The following CAMK1D variants were observed in gnomAD, a reference collection of about 807,000 sequenced individuals.
CAMK1D encodes calcium/calmodulin-dependent protein kinase type 1D.
In CAMK1D, 9 loss-of-function variants were observed where a neutral mutation model predicts 47.7. The observed-to-expected ratio is 0.19, with a 90% confidence interval of 0.11 to 0.33. The LOEUF (loss-of-function observed/expected upper bound fraction) is 0.33. CAMK1D is among the 10% of genes least tolerant of loss of function. The pLI, the probability that CAMK1D is intolerant of heterozygous loss-of-function variation, is 1.00. For missense variants in CAMK1D, 291 were observed against 488.7 expected, an observed-to-expected ratio of 0.60 and a Z score of 3.81; for synonymous variants, 184 against 184.9, an observed-to-expected ratio of 0.99 and a Z score of 0.04.
chr10:12,805,042 C>T (rs890843212), intron 6 of CAMK1D, among the ~76,000 whole-genome samples: 11 of 151,388 alleles, frequency 7.3e-5, no homozygotes, highest in African/African-American at 2.2e-4. Context: ...AGGCGGATCA[C>T]GAGGTCAGAA....
At chr10:12,649,261 C>T (rs1273204388) in intron 2 of CAMK1D, among the ~76,000 whole-genome samples, 5 of 152,210 alleles carry the variant, frequency 3.3e-5, no homozygotes, top group African/African-American at 9.7e-5. Flanking sequence ...CTTGACTCTG[C>T]GCTGTGTTGT....
intron 2 of CAMK1D, among the ~76,000 whole-genome samples, chr10:12,587,092 T>G (rs2040206151): frequency 6.6e-6 from 1 of 152,196 alleles, no homozygotes. Flanking sequence ...GGCTTGAGGC[T>G]CCTCCTTGGT....
chr10:12,799,070 A>G (rs1838314051), intron 6 of CAMK1D, among the ~76,000 whole-genome samples: 1 of 152,090 alleles, frequency 6.6e-6, no homozygotes, highest in African/African-American at 2.4e-5. Context: ...CCAGGAGGGG[A>G]GGGATTCCAT....
intron 1 of CAMK1D, among the ~76,000 whole-genome samples, chr10:12,386,067 G>A (rs562671591): frequency 6.6e-6 from 1 of 152,258 alleles, no homozygotes; most frequent in East Asian, 1.9e-4. Flanking sequence ...TTTTAAATTG[G>A]TGAATTTTGG....
intron 2 of CAMK1D, among the ~76,000 whole-genome samples, chr10:12,576,118 T>G (rs1488872125): frequency 2.0e-5 from 3 of 152,248 alleles, no homozygotes; most frequent in Non-Finnish European, 2.9e-5. Flanking sequence ...AACTGCATTG[T>G]TCCTAAGTAA....
intron 2 of CAMK1D, among the ~76,000 whole-genome samples, chr10:12,615,554 A>G (rs922817631): frequency 4.2e-5 from 6 of 142,526 alleles, no homozygotes; most frequent in Admixed American, 4.1e-4. Context: ...ATGTGTAGTT[A>G]TGTGTGTATA....
At chr10:12,428,543 G>A (rs777009890) in intron 1 of CAMK1D, among the ~76,000 whole-genome samples, 3 of 152,028 alleles carry the variant, frequency 2.0e-5, no homozygotes, top group South Asian at 2.1e-4. Flanking sequence ...TAGCTTTCCC[G>A]TGGGGTTCTG....
chr10:12,406,722 C>CAAAAAAAAAAAAA (rs3061400), intron 1 of CAMK1D, among the ~76,000 whole-genome samples: 10 of 69,242 alleles, frequency 1.4e-4, no homozygotes, highest in African/African-American at 6.9e-4. Flanking sequence ...GACCCTGTCT[C>CAAAAAAAAAAAAA]AAAAAAAAAA....
chr10:12,762,431 A>G (rs1446810688), intron 4 of CAMK1D, among the ~76,000 whole-genome samples: 1 of 152,160 alleles, frequency 6.6e-6, no homozygotes, highest in Non-Finnish European at 1.5e-5. Flanking sequence ...TTTTTCTTTC[A>G]TAAAGACTCA....
chr10:12,752,464 A>G (rs998812798), intron 3 of CAMK1D, among the ~76,000 whole-genome samples: 4 of 152,080 alleles, frequency 2.6e-5, no homozygotes, highest in Non-Finnish European at 4.4e-5. Flanking sequence ...AAGGGGGATG[A>G]TGGATGAGAA....
At chr10:12,578,927 A>AT (rs560623109) in intron 2 of CAMK1D, 123 of 153,500 alleles carry the variant, frequency 8.0e-4, no homozygotes, top group African/African-American at 2.8e-3. Flanking sequence ...GTAGAGACGC[A>AT]TAGCACATGA....
intron 5 of CAMK1D, among the ~76,000 whole-genome samples, chr10:12,790,231 A>G (rs191178001): frequency 6.6e-6 from 1 of 152,386 alleles, no homozygotes; most frequent in East Asian, 1.9e-4. Context: ...TTCACAGATG[A>G]GATGGGAAAA....
intron 3 of CAMK1D, among the ~76,000 whole-genome samples, chr10:12,742,919 T>C (rs898234347): frequency 3.9e-5 from 6 of 152,048 alleles, no homozygotes; most frequent in African/African-American, 1.2e-4. Flanking sequence ...TAAACACATA[T>C]GGATGTGCGC....
intron 3 of CAMK1D, among the ~76,000 whole-genome samples, chr10:12,713,900 A>C (rs1317279703): frequency 6.6e-6 from 1 of 152,266 alleles, no homozygotes; most frequent in Admixed American, 6.5e-5. Flanking sequence ...ATGTTGGCTA[A>C]GTAGCATCGT....
intron 1 of CAMK1D, among the ~76,000 whole-genome samples, chr10:12,463,777 T>C (rs1833509148): frequency 6.6e-6 from 1 of 152,144 alleles, no homozygotes; most frequent in African/African-American, 2.4e-5. Context: ...ATCCCCATAA[T>C]CCGCAGGTGT....
At chr10:12,532,283 C>CTT (rs375755257) in intron 1 of CAMK1D, among the ~76,000 whole-genome samples, 3 of 144,262 alleles carry the variant, frequency 2.1e-5, no homozygotes, top group Admixed American at 6.9e-5. Context: ...TTTTTATTTT[C>CTT]TTTTTTTTTT....
chr10:12,613,669 G>A (rs957803181), intron 2 of CAMK1D, among the ~76,000 whole-genome samples: 4 of 152,096 alleles, frequency 2.6e-5, no homozygotes, highest in African/African-American at 9.7e-5. Flanking sequence ...TAGTAGAGAC[G>A]GGGTTTCACT....
At chr10:12,368,727 G>C (rs1206518038) in intron 1 of CAMK1D, among the ~76,000 whole-genome samples, 1 of 145,846 alleles carries the variant, frequency 6.9e-6, no homozygotes, top group Non-Finnish European at 1.5e-5. Context: ...CTGGGTGGCA[G>C]AGTAAGACCC....
intron 3 of CAMK1D, among the ~76,000 whole-genome samples, chr10:12,746,200 TA>T (rs1258455358): frequency 7.1e-6 from 1 of 140,210 alleles, no homozygotes; most frequent in East Asian, 1.9e-4. Context: ...CCGTCTCTAC[TA>T]AAAAAACAAA....
Sources: gnomAD v4.1 joint callset for allele counts (sites outside exome capture counted in the v4.1 genomes callset) on GRCh38, gnomAD v4.1.1 for gene constraint, MANE v1.5 for transcripts, NCBI Gene and HGNC (gene_info 2026-07-23, HGNC 2026-07-21) for gene names.